Variants in PALLD observed in about 807,000 individuals in gnomAD.
PALLD encodes palladin.
A neutral mutation model predicts 123.5 loss-of-function variants in PALLD; 61 were observed. The observed-to-expected ratio is 0.49, with a 90% CI of 0.40 to 0.61. PALLD has a LOEUF of 0.61. Among genes scored for constraint, PALLD ranks in the 20% least tolerant of loss-of-function variants. The probability of loss-of-function intolerance (pLI) is 0.00; values close to 1 mark genes in which losing one functional copy is unlikely to be tolerated. For synonymous variants in PALLD, 465 were observed against 496.4 expected, an observed-to-expected ratio of 0.94 and a Z score of 0.84; for missense variants, 1,273 against 1,377.0, an observed-to-expected ratio of 0.92 and a Z score of 1.20.
intron 3 of PALLD, among the ~76,000 whole-genome samples, chr4:168,674,006 C>T (rs1189998284): frequency 6.6e-6 from 1 of 152,038 alleles, no homozygotes; most frequent in Non-Finnish European, 1.5e-5. Context: ...CCTCCACCTC[C>T]TGGGTTCAAG....
intron 2 of PALLD, among the ~76,000 whole-genome samples, chr4:168,542,904 TTCCA>T (rs890233858): frequency 6.6e-6 from 1 of 151,502 alleles, no homozygotes; most frequent in Non-Finnish European, 1.5e-5. Flanking sequence ...CAAGGGCCAT[TTCCA>T]GACAGTCTCC....
At chr4:168,858,520 C>T (rs749060264) in intron 10 of PALLD, among the ~76,000 whole-genome samples, 26 of 152,110 alleles carry the variant, frequency 1.7e-4, no homozygotes, top group Non-Finnish European at 2.4e-4. Flanking sequence ...AGAGTGCTCA[C>T]GCCTGTCATC....
chr4:168,808,905 G>C (rs1740638205), intron 10 of PALLD, among the ~76,000 whole-genome samples: 1 of 152,182 alleles, frequency 6.6e-6, no homozygotes, highest in Admixed American at 6.5e-5. Flanking sequence ...GATGAGATTT[G>C]GGTGGGGACA....
At chr4:168,801,273 AT>A (rs1739284432) in intron 10 of PALLD, among the ~76,000 whole-genome samples, 1 of 151,942 alleles carries the variant, frequency 6.6e-6, no homozygotes, top group African/African-American at 2.4e-5. Flanking sequence ...AAAGTGTAAA[AT>A]TTTTTTGTTT....
intron 10 of PALLD, among the ~76,000 whole-genome samples, chr4:168,714,768 A>G (rs1785179591): frequency 1.3e-5 from 2 of 152,184 alleles, no homozygotes; most frequent in South Asian, 4.1e-4. Context: ...CGCAAGTAAT[A>G]GGAACTAAAA....
At chr4:168,847,133 A>G (rs2150957433) in intron 10 of PALLD, among the ~76,000 whole-genome samples, 1 of 152,286 alleles carries the variant, frequency 6.6e-6, no homozygotes, top group Admixed American at 6.5e-5. Flanking sequence ...AGTCCTAAGA[A>G]CTTTTTTGAG....
At chr4:168,520,347 A>AGAGAGGGAG (rs11420544) in intron 2 of PALLD, among the ~76,000 whole-genome samples, 1 of 83,996 alleles carries the variant, frequency 1.2e-5, no homozygotes, top group South Asian at 3.8e-4. Context: ...AAAAAAAAAA[A>AGAGAGGGAG]AGAGAGAGAG....
intron 2 of PALLD, among the ~76,000 whole-genome samples, chr4:168,554,030 G>A (rs372596339): frequency 5.9e-5 from 9 of 152,302 alleles, no homozygotes; most frequent in African/African-American, 2.2e-4. Context: ...CAGAGACCAT[G>A]TCTGTCCAGC....
intron 10 of PALLD, among the ~76,000 whole-genome samples, chr4:168,786,523 T>A (rs1008026187): frequency 3.9e-5 from 6 of 151,996 alleles, no homozygotes; most frequent in Non-Finnish European, 5.9e-5. Flanking sequence ...AATAACTTTT[T>A]AAAAAAATTA....
intron 10 of PALLD, among the ~76,000 whole-genome samples, chr4:168,734,622 AT>A (rs1352690669): frequency 2.0e-5 from 3 of 152,268 alleles, no homozygotes; most frequent in African/African-American, 7.2e-5. Flanking sequence ...AGCCGTTACT[AT>A]GGATAAGCTG....
At chr4:168,826,198 G>C (rs1743397343) in intron 10 of PALLD, among the ~76,000 whole-genome samples, 1 of 152,166 alleles carries the variant, frequency 6.6e-6, no homozygotes, top group African/African-American at 2.4e-5. Flanking sequence ...TCAATAGTGA[G>C]TCAGATTCTA....
At chr4:168,769,074 C>T (rs1196122757) in intron 10 of PALLD, among the ~76,000 whole-genome samples, 4 of 152,216 alleles carry the variant, frequency 2.6e-5, no homozygotes, top group East Asian at 1.9e-4. Context: ...CCGCCCCCGT[C>T]GGCCTCCCAA....
intron 10 of PALLD, among the ~76,000 whole-genome samples, chr4:168,837,854 G>C (rs141038774): frequency 1.4e-3 from 206 of 152,276 alleles, no homozygotes; most frequent in African/African-American, 4.5e-3. Context: ...CGAAATCCTT[G>C]CCCTCGTGGA....
At chr4:168,738,544 C>T (rs1306576592) in intron 10 of PALLD, among the ~76,000 whole-genome samples, 1 of 151,036 alleles carries the variant, frequency 6.6e-6, no homozygotes, top group African/African-American at 2.4e-5. Flanking sequence ...AATTCTCCTG[C>T]CTCCGCCTCC....
chr4:168,599,622 C>T (rs1256336268), intron 2 of PALLD, among the ~76,000 whole-genome samples: 1 of 151,976 alleles, frequency 6.6e-6, no homozygotes, highest in Non-Finnish European at 1.5e-5. Context: ...GCAAGTTAGC[C>T]AGGCATGGTG....
At chr4:168,520,531 T>C (rs1443193069) in intron 2 of PALLD, among the ~76,000 whole-genome samples, 6 of 152,188 alleles carry the variant, frequency 3.9e-5, no homozygotes, top group African/African-American at 1.4e-4. Flanking sequence ...CCTACCCACT[T>C]GTAATTTTCA....
chr4:168,553,534 A>G (rs1766961174), intron 2 of PALLD, among the ~76,000 whole-genome samples: 2 of 152,248 alleles, frequency 1.3e-5, no homozygotes, highest in Admixed American at 6.5e-5. Flanking sequence ...TTGGCACTAA[A>G]GAAAGATAAC....
At chr4:168,626,813 G>A (rs1775344102) in intron 2 of PALLD, among the ~76,000 whole-genome samples, 1 of 151,812 alleles carries the variant, frequency 6.6e-6, no homozygotes, top group Admixed American at 6.6e-5. Flanking sequence ...CAATATGGAT[G>A]AGCCCTTGAG....
chr4:168,707,950 A>G (rs1681677948), intron 8 of PALLD, among the ~76,000 whole-genome samples: 1 of 152,174 alleles, frequency 6.6e-6, no homozygotes, highest in African/African-American at 2.4e-5. Flanking sequence ...GTTAACAGCT[A>G]ACACTGGCTA....
Sources: gnomAD v4.1 joint callset for allele counts (sites outside exome capture counted in the v4.1 genomes callset) on GRCh38, gnomAD v4.1.1 for gene constraint, MANE v1.5 for transcripts, NCBI Gene and HGNC (gene_info 2026-07-23, HGNC 2026-07-21) for gene names.